DYNLRB1: variants seen among roughly 807,000 people sequenced by gnomAD.
The protein encoded by DYNLRB1 is dynein light chain roadblock-type 1.
In DYNLRB1, 6 loss-of-function variants were observed where a neutral mutation model predicts 13.5. The ratio of observed to expected loss-of-function variants is 0.44; its 90% CI spans 0.24 to 0.88. The LOEUF is 0.88. DYNLRB1 is among the 40% of genes least tolerant of loss of function. DYNLRB1 has a pLI of 0.21. For synonymous variants in DYNLRB1, 43 were observed against 45.0 expected (o/e 0.96, Z 0.18); for missense variants, 93 against 127.2 (o/e 0.73, Z 1.29).
Position 34,540,687 on chromosome 20 carries a change from A to G in DYNLRB1, c.*63A>G. 1.0e-5 allele frequency: 16 copies of G among 1,546,900 alleles called. No homozygotes were observed. Among genetic ancestry groups the G allele is most frequent in the African/African-American group, 1.4e-5 (1 of 73,372 alleles). On this transcript the variant is annotated 3_prime_UTR_variant, in exon 4 of 4. Transcript: ENST00000357156. Reference sequence around the variant, plus strand: ...ATGCCCCCCAAGAATGTTAATGTCAATCATGTCAGTGGACTAGCACATGGC... The same window carrying G: ...ATGCCCCCCAAGAATGTTAATGTCAGTCATGTCAGTGGACTAGCACATGGC...
intron 1 of DYNLRB1, among the ~76,000 whole-genome samples, chr20:34,517,988 G>C (rs1441344534): frequency 1.3e-5 from 2 of 152,138 alleles, no homozygotes; most frequent in Non-Finnish European, 2.9e-5. Context: ...CCATAATTTA[G>C]CTATTATGAA....
intron 3 of DYNLRB1, chr20:34,536,263 G>T (rs1308453988): frequency 1.0e-6 from 1 of 985,314 alleles, no homozygotes; most frequent in African/African-American, 1.7e-5. Flanking sequence ...GCAAGTCGCA[G>T]AACACCTGCA....
In DYNLRB1 at chr20:34,540,665, C is replaced by T. The variant is rs1374746510; in HGVS notation, c.*41C>T. ...CCCTGTGTCATTCCTTAATTTAATG[C>T]CCCCCAAGAATGTTAATGTCAATCA... On this transcript the variant is annotated 3_prime_UTR_variant, in exon 4 of 4. Coordinates refer to ENST00000357156, the MANE Select transcript of DYNLRB1 (RefSeq NM_014183.4). The T allele has an allele frequency of 3.1e-6, 5 of 1,593,536 alleles. No homozygotes were observed. The highest frequency in any genetic ancestry group is 4.3e-6 in the Non-Finnish European group (5 of 1,163,190).
intron 3 of DYNLRB1, among the ~76,000 whole-genome samples, chr20:34,536,759 A>T (rs1391021946): frequency 1.3e-5 from 2 of 151,634 alleles, no homozygotes; most frequent in Non-Finnish European, 2.9e-5. Context: ...AAAAAAAAAA[A>T]AAAAAAGTTG....
intron 3 of DYNLRB1, among the ~76,000 whole-genome samples, chr20:34,538,161 T>A (rs1056615768): frequency 4.1e-5 from 5 of 122,614 alleles, no homozygotes; most frequent in African/African-American, 1.6e-4. Flanking sequence ...AGAGACAGGG[T>A]TTCACTATGT....
At chr20:34,518,790 G>GC (rs1979477148) in intron 1 of DYNLRB1, among the ~76,000 whole-genome samples, 1 of 151,696 alleles carries the variant, frequency 6.6e-6, no homozygotes, top group Admixed American at 6.6e-5. Context: ...CACTTATATG[G>GC]CCCCCCTTTT....
chr20:34,522,559 G>A (rs373548157), intron 1 of DYNLRB1, among the ~76,000 whole-genome samples: 42 of 138,068 alleles, frequency 3.0e-4, no homozygotes, highest in Non-Finnish European at 5.6e-4. Flanking sequence ...TGCAGCCTCG[G>A]CCTCCTGGGC....
chr20:34,516,566 G>C, intron 1 of DYNLRB1, 105 bp downstream of exon 1: 1 of 1,563,364 alleles, frequency 6.4e-7, no homozygotes, highest in Non-Finnish European at 8.7e-7. Context: ...ACAGGGAATC[G>C]GTGGTGGCTG....
intron 2 of DYNLRB1, among the ~76,000 whole-genome samples, chr20:34,531,592 C>T (rs567645230): frequency 6.6e-6 from 1 of 152,346 alleles, no homozygotes; most frequent in East Asian, 1.9e-4. Flanking sequence ...TCAGACTCCT[C>T]ATGCCAATAT....
At chr20:34,534,207 A>C (rs1980942099) in intron 2 of DYNLRB1, among the ~76,000 whole-genome samples, 1 of 152,142 alleles carries the variant, frequency 6.6e-6, no homozygotes, top group Non-Finnish European at 1.5e-5. Flanking sequence ...TTTTTTGGAC[A>C]AAAAAATAAA....
chr20:34,537,616 T>C (rs1981249998), intron 3 of DYNLRB1, among the ~76,000 whole-genome samples: 1 of 152,094 alleles, frequency 6.6e-6, no homozygotes, highest in Admixed American at 6.5e-5. Flanking sequence ...GAAAAAATAA[T>C]TGGGTTTTGG....
At chr20:34,524,492 G>T (rs923736146) in intron 1 of DYNLRB1, among the ~76,000 whole-genome samples, 1 of 152,152 alleles carries the variant, frequency 6.6e-6, no homozygotes, top group African/African-American at 2.4e-5. Context: ...CCAGGAGGGC[G>T]AGCAGGGTAG....
intron 3 of DYNLRB1, among the ~76,000 whole-genome samples, chr20:34,538,996 G>A (rs1328775310): frequency 1.3e-5 from 2 of 152,252 alleles, no homozygotes; most frequent in Non-Finnish European, 2.9e-5. Context: ...CGTGTGAGAA[G>A]TGGGTGGCCC....
At chr20:34,529,735 A>C in intron 2 of DYNLRB1, 3 of 1,101,714 alleles carry the variant, frequency 2.7e-6, no homozygotes, top group Non-Finnish European at 3.5e-6. Context: ...GTCTCAAAAA[A>C]AAAAAAAAAA....
intron 1 of DYNLRB1, among the ~76,000 whole-genome samples, chr20:34,524,784 T>C (rs1438004002): frequency 1.3e-5 from 2 of 151,274 alleles, no homozygotes; most frequent in Admixed American, 6.6e-5. Context: ...AGTGCAGTGG[T>C]GCGATCTCGG....
At chr20:34,518,243 A>G (rs1979421181) in intron 1 of DYNLRB1, among the ~76,000 whole-genome samples, 1 of 152,094 alleles carries the variant, frequency 6.6e-6, no homozygotes, top group East Asian at 1.9e-4. Flanking sequence ...TACCAATACC[A>G]TGCTCTTTTG....
At chr20:34,528,591 C>T (rs1364418014) in intron 2 of DYNLRB1, among the ~76,000 whole-genome samples, 1 of 152,136 alleles carries the variant, frequency 6.6e-6, no homozygotes. Flanking sequence ...TTCTTGAGGA[C>T]TGTGTTGAGA....
chr20:34,518,979 G>C (rs1277301109), intron 1 of DYNLRB1, among the ~76,000 whole-genome samples: 3 of 151,520 alleles, frequency 2.0e-5, no homozygotes, highest in African/African-American at 4.9e-5. Context: ...TGCAACCTCT[G>C]CCTCCCGGGT....
chr20:34,536,399 T>A lies in DYNLRB1; in HGVS notation c.247+1604T>A, dbSNP rs1451299106. ...CTTGGAATCAGATTTAAACTGCAGT[T>A]CCTCCCAGGTTGTCATGTTGTGTGA... On this transcript the variant is annotated intron_variant, in intron 3 of 3. Coordinates refer to ENST00000357156, the MANE Select transcript of DYNLRB1 (RefSeq NM_014183.4). The A allele has an allele frequency of 1.0e-5, 10 of 985,158 alleles. No homozygotes were observed. The South Asian group carries it at 1.4e-4, about 14-fold the overall frequency. 61.0% of individuals were successfully genotyped at this position (985,158 alleles called of 1,614,324 possible).
Sources: gnomAD v4.1 joint callset for allele counts (sites outside exome capture counted in the v4.1 genomes callset) on GRCh38, gnomAD v4.1.1 for gene constraint, MANE v1.5 for transcripts, NCBI Gene and HGNC (gene_info 2026-07-23, HGNC 2026-07-21) for gene names.